FHIT: variants seen among roughly 807,000 people sequenced by gnomAD.
FHIT encodes the protein fragile histidine triad diadenosine triphosphatase, also known as bis(5'-adenosyl)-triphosphatase.
A neutral mutation model predicts 17.9 loss-of-function variants in FHIT; 19 were observed. The ratio of observed to expected loss-of-function variants is 1.06; its 90% CI spans 0.74 to 1.56. The LOEUF is 1.56. FHIT is among the 40% of genes most tolerant of loss of function. FHIT has a pLI of 0.00. For synonymous variants in FHIT, 81 were observed against 69.7 expected, an observed-to-expected ratio of 1.16 and a Z score of -0.81; for missense variants, 248 against 189.2, an observed-to-expected ratio of 1.31 and a Z score of -1.82.
intron 2 of FHIT, among the ~76,000 whole-genome samples, chr3:61,177,554 C>A (rs1368834824): frequency 6.6e-6 from 1 of 152,088 alleles, no homozygotes; most frequent in East Asian, 1.9e-4. Flanking sequence ...ATAGAACCTG[C>A]AGAACTTTTG....
chr3:61,106,983 A>T (rs1173313833), intron 2 of FHIT, among the ~76,000 whole-genome samples: 4 of 152,082 alleles, frequency 2.6e-5, no homozygotes, highest in Non-Finnish European at 5.9e-5. Context: ...TTATAGTGAG[A>T]ACACTTAAAA....
chr3:59,940,999 C>T (rs949578626), intron 7 of FHIT, among the ~76,000 whole-genome samples: 15 of 152,110 alleles, frequency 9.9e-5, no homozygotes, highest in African/African-American at 3.1e-4. Flanking sequence ...CCCATACTCA[C>T]GGCCATGATC....
intron 7 of FHIT, among the ~76,000 whole-genome samples, chr3:59,939,156 T>C (rs764463947): frequency 8.5e-5 from 13 of 152,204 alleles, no homozygotes; most frequent in Non-Finnish European, 1.0e-4. Flanking sequence ...AGTGATTCCA[T>C]AGGTACCAGC....
chr3:60,009,160 ATTTTATGTGTGT>A, intron 7 of FHIT, among the ~76,000 whole-genome samples: 1 of 96,132 alleles, frequency 1.0e-5, no homozygotes, highest in Non-Finnish European at 2.1e-5. Context: ...GTTCTCTGGG[ATTTTATGTGTGT>A]GTGTGTGTGT....
intron 7 of FHIT, among the ~76,000 whole-genome samples, chr3:59,934,170 T>C (rs1264038250): frequency 1.3e-5 from 2 of 152,178 alleles, no homozygotes; most frequent in Admixed American, 1.3e-4. Context: ...GCACTTTCTT[T>C]GTAAGATCTC....
chr3:61,062,219 T>A (rs1370840176), intron 2 of FHIT, among the ~76,000 whole-genome samples: 1 of 152,180 alleles, frequency 6.6e-6, no homozygotes, highest in African/African-American at 2.4e-5. Context: ...CACAACAGGG[T>A]ATCCCCCTGA....
chr3:60,889,732 A>G (rs193076437), intron 3 of FHIT, among the ~76,000 whole-genome samples: 1 of 152,344 alleles, frequency 6.6e-6, no homozygotes, highest in East Asian at 1.9e-4. Flanking sequence ...CAAAATAAAT[A>G]TTGACAGAAA....
At chr3:60,257,986 C>T (rs1706091953) in intron 5 of FHIT, among the ~76,000 whole-genome samples, 1 of 151,812 alleles carries the variant, frequency 6.6e-6, no homozygotes, top group African/African-American at 2.4e-5. Context: ...TGCAGAAAAC[C>T]ACCATGGCAC....
At chr3:60,780,728 G>C (rs1700357466) in intron 4 of FHIT, among the ~76,000 whole-genome samples, 1 of 152,168 alleles carries the variant, frequency 6.6e-6, no homozygotes, top group South Asian at 2.1e-4. Context: ...ACGGCAGCTG[G>C]ATGTACCTCT....
At chr3:60,808,060 T>A (rs1337307613) in intron 4 of FHIT, among the ~76,000 whole-genome samples, 1 of 152,178 alleles carries the variant, frequency 6.6e-6, no homozygotes, top group African/African-American at 2.4e-5. Flanking sequence ...TCTATTGACC[T>A]CAGAGACACT....
intron 2 of FHIT, among the ~76,000 whole-genome samples, chr3:61,078,634 A>G (rs1285430387): frequency 6.6e-6 from 1 of 152,184 alleles, no homozygotes; most frequent in African/African-American, 2.4e-5. Flanking sequence ...CTTATGTATT[A>G]CTATACATCT....
At chr3:60,083,025 TA>T (rs1299557391) in intron 5 of FHIT, among the ~76,000 whole-genome samples, 1 of 152,198 alleles carries the variant, frequency 6.6e-6, no homozygotes, top group Non-Finnish European at 1.5e-5. Context: ...GACTTTGTCA[TA>T]AATTATTTCC....
intron 5 of FHIT, among the ~76,000 whole-genome samples, chr3:60,249,637 T>C (rs944519638): frequency 6.7e-6 from 1 of 148,506 alleles, no homozygotes; most frequent in Non-Finnish European, 1.5e-5. Flanking sequence ...ATTAGAACCA[T>C]GATCTGAGAG....
At chr3:60,090,551 G>A (rs1470956332) in intron 5 of FHIT, among the ~76,000 whole-genome samples, 1 of 152,144 alleles carries the variant, frequency 6.6e-6, no homozygotes, top group African/African-American at 2.4e-5. Context: ...TATATCTCCT[G>A]TGTTCTCTTT....
intron 4 of FHIT, among the ~76,000 whole-genome samples, chr3:60,746,774 T>C (rs2042364951): frequency 6.6e-6 from 1 of 152,114 alleles, no homozygotes; most frequent in Non-Finnish European, 1.5e-5. Context: ...TGAGGGTTGT[T>C]TGTATGTTTG....
At chr3:60,975,729 A>G (rs766885997) in intron 3 of FHIT, among the ~76,000 whole-genome samples, 27 of 152,194 alleles carry the variant, frequency 1.8e-4, no homozygotes, top group Admixed American at 5.9e-4. Flanking sequence ...CTGTGTATGC[A>G]TATACATTTA....
Position 59,747,909 on chromosome 3 carries a change from G to A in FHIT, c.*1676C>T, listed in dbSNP as rs1483904537. The stretch of plus-strand genomic sequence containing the variant: ...CACTGCTGTTTCTCCAAAGTTGGGA[G>A]TCAGTCATATTCCTGTTTAAGATAA... On this transcript the variant is annotated 3_prime_UTR_variant, in exon 10 of 10. Transcript: ENST00000492590. 6.6e-6 allele frequency among the ~76,000 whole-genome samples: 1 copy of A among 152,148 alleles called. No homozygotes were observed. The highest frequency in any genetic ancestry group is 1.5e-5 in the Non-Finnish European group (1 of 68,026).
At chr3:60,805,627 C>G (rs1411734274) in intron 4 of FHIT, among the ~76,000 whole-genome samples, 1 of 152,100 alleles carries the variant, frequency 6.6e-6, no homozygotes, top group African/African-American at 2.4e-5. Flanking sequence ...GCAATCTCGG[C>G]TCACTGCAAG....
chr3:59,894,935 A>T (rs1051196405), intron 8 of FHIT, among the ~76,000 whole-genome samples: 1 of 152,242 alleles, frequency 6.6e-6, no homozygotes, highest in Non-Finnish European at 1.5e-5. Flanking sequence ...CAAACCTGGC[A>T]GGTGATGAGA....
Sources: gnomAD v4.1 joint callset for allele counts (sites outside exome capture counted in the v4.1 genomes callset) on GRCh38, gnomAD v4.1.1 for gene constraint, MANE v1.5 for transcripts, NCBI Gene and HGNC (gene_info 2026-07-23, HGNC 2026-07-21) for gene names.